The following MAPT variants were observed in gnomAD, a reference collection of about 807,000 sequenced individuals.
The protein encoded by MAPT is microtubule-associated protein tau.
A neutral mutation model predicts 67.9 loss-of-function variants in MAPT; 34 were observed. The observed-to-expected ratio is 0.50, with a 90% confidence interval of 0.38 to 0.67. MAPT has a LOEUF of 0.67. Among genes scored for constraint, MAPT ranks in the 30% least tolerant of loss-of-function variants. MAPT has a pLI of 0.00. For synonymous variants in MAPT, 456 were observed against 464.5 expected (o/e 0.98, Z 0.23); for missense variants, 881 against 1,115.2 (o/e 0.79, Z 2.99).
At chr17:45,956,575 TATATATATATATATATATATATA>T (rs1306633736) in intron 1 of MAPT, among the ~76,000 whole-genome samples, 132 of 4,764 alleles carry the variant, frequency 0.028, 1 homozygote, top group South Asian at 0.11. Flanking sequence ...TATATATATA[TATATATATATATATATATATATA>T]TATTTTTTAT....
chr17:46,007,983 T>C (rs1278581351), intron 9 of MAPT, among the ~76,000 whole-genome samples: 1 of 152,190 alleles, frequency 6.6e-6, no homozygotes, highest in Non-Finnish European at 1.5e-5. Flanking sequence ...TCAATACAAA[T>C]GTTGGATAGC....
At chr17:45,899,039 T>TG in intron 1 of MAPT, among the ~76,000 whole-genome samples, 1 of 152,032 alleles carries the variant, frequency 6.6e-6, no homozygotes, top group Non-Finnish European at 1.5e-5. Flanking sequence ...AGCTGGCGTT[T>TG]GGGGGGCACC....
At chr17:45,956,585 TATATATATA>T (rs1445262624) in intron 1 of MAPT, among the ~76,000 whole-genome samples, 72 of 7,776 alleles carry the variant, frequency 9.3e-3, no homozygotes, top group African/African-American at 0.013. Flanking sequence ...TATATATATA[TATATATATA>T]TATATATTTT....
chr17:45,903,987 TTTA>T (rs1472734343), intron 1 of MAPT, among the ~76,000 whole-genome samples: 2,149 of 20,118 alleles, frequency 0.11, 307 homozygotes, highest in African/African-American at 0.12. Flanking sequence ...ATATTATATA[TTTA>T]TATATATTAT....
chr17:46,005,742 G>A (rs972366627), intron 9 of MAPT, among the ~76,000 whole-genome samples: 3 of 152,202 alleles, frequency 2.0e-5, no homozygotes, highest in Admixed American at 6.5e-5. Flanking sequence ...ACCTCCTTCC[G>A]CAGCTCCAGC....
At chr17:45,920,471 C>T (rs763888270) in intron 1 of MAPT, among the ~76,000 whole-genome samples, 16 of 152,330 alleles carry the variant, frequency 1.1e-4, no homozygotes, top group Admixed American at 6.5e-4. Context: ...CAGGGCATTG[C>T]GGTGGCCTTC....
chr17:46,024,591 C>T lies in MAPT; in HGVS notation c.*420C>T. ...CTCTGGCCCTGTTGTGGGGGTGTCACAGAGGCAGTGGCAGCAACAAAGGAT... is the reference window on the plus strand; with the variant it reads ...CTCTGGCCCTGTTGTGGGGGTGTCATAGAGGCAGTGGCAGCAACAAAGGAT... On this transcript the variant is annotated 3_prime_UTR_variant, in exon 13 of 13. Coordinates refer to ENST00000262410, the MANE Select transcript of MAPT (RefSeq NM_001377265.1). 3.5e-6 allele frequency: 1 copy of T among 284,204 alleles called. No homozygotes were observed. The highest frequency in any genetic ancestry group is 3.6e-5 in the South Asian group (1 of 27,644). 17.6% of individuals were successfully genotyped at this position (284,204 alleles called of 1,614,324 possible). A position where few individuals can be genotyped will look rare whatever the true frequency, so the allele number is the denominator to read the frequency against.
chr17:45,995,678 C>T lies in MAPT; in HGVS notation c.1733-721C>T, dbSNP rs910559150. The stretch of plus-strand genomic sequence containing the variant: ...GTGCGCTAGTAACTGCTATGCATGG[C>T]AGGTGGGGAACTGTACGTCAGGGCA... On this transcript the variant is annotated intron_variant, in intron 8 of 12. Coordinates refer to ENST00000262410, the MANE Select transcript of MAPT (RefSeq NM_001377265.1). This position sits in a 1 kb window ranked among gnomAD's most constrained non-coding sequence, Gnocchi z 4.3. Among the ~76,000 whole-genome samples, 1 of 152,158 alleles carries T rather than the reference C, an allele frequency of 6.6e-6. No individual in the cohort carries two copies. Among genetic ancestry groups the T allele is most frequent in the East Asian group, 1.9e-4 (1 of 5,190 alleles).
chr17:45,994,724 G>A (rs565446214), intron 8 of MAPT, among the ~76,000 whole-genome samples: 4 of 152,208 alleles, frequency 2.6e-5, no homozygotes, highest in East Asian at 3.9e-4. Flanking sequence ...GGCTGGGTGC[G>A]GTGGCTCATG....
intron 1 of MAPT, among the ~76,000 whole-genome samples, chr17:45,958,935 T>A (rs186657505): frequency 3.2e-4 from 48 of 151,974 alleles, no homozygotes; most frequent in Non-Finnish European, 5.7e-4. Context: ...TGGTGGCACA[T>A]GCCTGTGATC....
intron 3 of MAPT, chr17:45,974,350 C>A: frequency 6.8e-7 from 1 of 1,469,658 alleles, no homozygotes; most frequent in Non-Finnish European, 9.3e-7. Context: ...ATGGCTCGTC[C>A]TGGCCCCTCT....
chr17:45,909,461 G>A (rs1026086046), intron 1 of MAPT, among the ~76,000 whole-genome samples: 6 of 152,212 alleles, frequency 3.9e-5, no homozygotes, highest in Admixed American at 1.3e-4. Flanking sequence ...TCAGCTGGGC[G>A]TGATGGCTCA....
rs1206025121 is a variant in MAPT, at chr17:45,906,370, C to T, written c.-18+11684C>T. Among the ~76,000 whole-genome samples, 2 of 152,164 alleles carry T rather than the reference C, an allele frequency of 1.3e-5. No individual in the cohort carries two copies. The highest frequency in any genetic ancestry group is 2.9e-5 in the Non-Finnish European group (2 of 68,034). ...ATGCCTAGGAGCAGCCTCTCCCCAC[C>T]ACTCACAGTGTTTAGCATGTGACAG... On this transcript the variant is annotated intron_variant, in intron 1 of 12. Transcript: ENST00000262410. This position sits in a 1 kb window ranked among gnomAD's most constrained non-coding sequence, Gnocchi z 4.3.
At position 45,990,746 on chromosome 17, in the gene MAPT, C is replaced by T. The variant is rs75743061; in HGVS notation, c.1605+671C>T. ...GCAACACTGCCCCGTGAGCTCACTG[C>T]CCCCTCAACTAGCTTGTGGTCCTTG... On this transcript the variant is annotated intron_variant, in intron 7 of 12. Coordinates refer to ENST00000262410, the MANE Select transcript of MAPT (RefSeq NM_001377265.1). 9.1e-4 allele frequency among the ~76,000 whole-genome samples: 138 copies of T among 152,204 alleles called. 1 individual carries two copies. The highest frequency in any genetic ancestry group is 2.2e-4 in the Non-Finnish European group (15 of 67,996).
intron 1 of MAPT, among the ~76,000 whole-genome samples, chr17:45,961,989 G>A (rs1325587941): frequency 6.6e-6 from 1 of 152,002 alleles, no homozygotes; most frequent in Non-Finnish European, 1.5e-5. Flanking sequence ...TGGCCAGGCT[G>A]GTCTCGATCC....
intron 5 of MAPT, chr17:45,985,581 A>G (rs1209092884): frequency 2.3e-6 from 1 of 434,862 alleles, no homozygotes; most frequent in African/African-American, 2.1e-5. Context: ...TTAATGTACT[A>G]ATGGCCATTG....
chr17:45,972,102 G>A (rs1485925935), intron 3 of MAPT, 157 bp downstream of exon 3: 19 of 712,432 alleles, frequency 2.7e-5, no homozygotes, highest in Admixed American at 2.4e-4. Flanking sequence ...TGAGCCTTGC[G>A]TCGATGCCTT....
chr17:46,025,799 T>A lies in MAPT; in HGVS notation c.*1628T>A, dbSNP rs1384181755. 2 of 152,448 alleles carry A rather than the reference T, an allele frequency of 1.3e-5. No homozygotes were observed. The highest frequency in any genetic ancestry group is 2.9e-5 in the Non-Finnish European group (2 of 68,322). The allele number at this position is 152,448 out of a possible 1,614,324, so 9.4% of individuals were successfully genotyped here. A position where few individuals can be genotyped will look rare whatever the true frequency, so the allele number is the denominator to read the frequency against. ...CCAGGGCAGGCCCACAGTCCCGCTG[T>A]CCCCCACTTGCACCCTAGCTTGTAG... On this transcript the variant is annotated 3_prime_UTR_variant, in exon 13 of 13. Transcript: ENST00000262410.
At position 45,904,066 on chromosome 17, in the gene MAPT, T is replaced by TTA. The variant is rs1380338636; in HGVS notation, c.-18+9386_-18+9387dup. Among the ~76,000 whole-genome samples, 35 of 43,792 alleles carry TTA rather than the reference T, an allele frequency of 8.0e-4. 1 individual carries two copies. The highest frequency in any genetic ancestry group is 1.3e-3 in the Non-Finnish European group (32 of 24,926). The allele number at this position is 43,792 out of a possible 152,430, so 28.7% of individuals were successfully genotyped here. A position where few individuals can be genotyped will look rare whatever the true frequency, so the allele number is the denominator to read the frequency against. On this transcript the variant is annotated intron_variant, in intron 1 of 12. Transcript: ENST00000262410. ...ATTTATATATATTATATATTATATA[T>TTA]TATATATTTATATATTATATATTTA...
Sources: gnomAD v4.1 joint callset for allele counts (sites outside exome capture counted in the v4.1 genomes callset) on GRCh38, gnomAD v4.1.1 for gene constraint, Gnocchi (gnomAD v3.1) non-coding constraint, MANE v1.5 for transcripts, NCBI Gene and HGNC (gene_info 2026-07-23, HGNC 2026-07-21) for gene names.